ABCA5: variants seen among roughly 807,000 people sequenced by gnomAD.
The protein encoded by ABCA5 is cholesterol transporter ABCA5.
ABCA5 carries 163 observed loss-of-function variants against 206.0 expected under a neutral mutation model. That is an observed-to-expected ratio of 0.79 (90% CI 0.70 to 0.90). ABCA5 has a LOEUF of 0.90. ABCA5 is among the 40% of genes least tolerant of loss of function. The pLI, the probability that ABCA5 is intolerant of heterozygous loss-of-function variation, is 0.00. For synonymous variants in ABCA5, 609 were observed against 613.8 expected, an observed-to-expected ratio of 0.99 and a Z score of 0.11; for missense variants, 1,859 against 1,912.9, an observed-to-expected ratio of 0.97 and a Z score of 0.53.
At chr17:69,318,840 C>T (rs2075839760) in intron 1 of ABCA5, 4 of 703,814 alleles carry the variant, frequency 5.7e-6, no homozygotes, top group Non-Finnish European at 1.1e-5. Context: ...GGATTTGATC[C>T]CTTTATGAAT....
intron 1 of ABCA5, chr17:69,314,805 C>A (rs2075800501): frequency 6.2e-6 from 1 of 160,116 alleles, no homozygotes; most frequent in Non-Finnish European, 1.4e-5. Flanking sequence ...ATCTTTTTTT[C>A]TTTTCTGAAT....
At chr17:69,274,192 A>G in intron 19 of ABCA5, 64 bp from the exon 20 acceptor site, 1 of 1,414,032 alleles carries the variant, frequency 7.1e-7, no homozygotes, top group East Asian at 2.4e-5. Context: ...AAAATCAATT[A>G]AAACTCTCCC....
chr17:69,247,562 G>C lies in ABCA5; in HGVS notation c.4904C>G (p.Thr1635Arg), dbSNP rs1392707443. Reference protein sequence around the residue: ...TLNSTLWWERTQEDRVVF With the variant: ...TLNSTLWWERRQEDRVVF ...TCAAAATACTACTCTATCTTCTTGT[G>C]TTCGTTCCCACCAAAGTGTGCTGTT... is the stretch of plus-strand genomic sequence containing the variant. Residue 1635 changes from threonine (T) to arginine (R), a missense_variant, in exon 39 of 39, where the codon ACA (threonine) becomes AGA (arginine). Thr to Arg is a moderately conservative substitution (Grantham distance 71). Transcript: ENST00000392676. 6.2e-7 allele frequency: 1 copy of C among 1,607,698 alleles called. No individual in the cohort carries two copies. Among genetic ancestry groups the C allele is most frequent in the Non-Finnish European group, 8.5e-7 (1 of 1,177,036 alleles).
In ABCA5 at chr17:69,286,230, T is replaced by C. The variant is rs147646493; in HGVS notation, c.2123A>G (p.Tyr708Cys). The C allele has an allele frequency of 7.2e-5, 115 of 1,603,044 alleles. No individual in the cohort carries two copies. Among genetic ancestry groups the C allele is most frequent in the South Asian group, 4.0e-4 (35 of 88,436 alleles). ...MFLKSKWGIG[Y>C]RLSMYIDKYC... ...TAAAAATGAATGATACCTCAGGCGGTAGCCGATCCCCCATTTACTTTTGAG... is the reference window on the plus strand; with the variant it reads ...TAAAAATGAATGATACCTCAGGCGGCAGCCGATCCCCCATTTACTTTTGAG... The change falls in exon 16 of 39, where the codon TAC becomes TGC. Residue 708 changes from tyrosine to cysteine, a missense_variant. Physicochemically the swap from Tyr to Cys is radical, Grantham distance 194. Transcript: ENST00000392676.
At chr17:69,270,462 T>C in intron 22 of ABCA5, 151 bp downstream of exon 22, 1 of 652,332 alleles carries the variant, frequency 1.5e-6, no homozygotes, top group Non-Finnish European at 2.5e-6. Flanking sequence ...TCCTAAACCT[T>C]AATGTAAACC....
rs370658702 is a variant in ABCA5 at position 69,247,575 on chromosome 17, A to G, written c.4891T>C (p.Trp1631Arg). Reference sequence around the variant, plus strand: ...CTATCTTCTTGTGTTCGTTCCCACCAAAGTGTGCTGTTTAAAGTTCCACAA... The same window carrying G: ...CTATCTTCTTGTGTTCGTTCCCACCGAAGTGTGCTGTTTAAAGTTCCACAA... ...NSCGTLNSTL[W>R]WERTQEDRVV... is the part of the protein sequence containing the mutation. Residue 1631 changes from tryptophan to arginine, a missense_variant, in exon 39 of 39, where the codon TGG (tryptophan) becomes CGG (arginine). By Grantham distance (101) the Trp-to-Arg change is moderately radical. Transcript: ENST00000392676. The G allele has an allele frequency of 1.6e-5, 26 of 1,610,168 alleles. No homozygotes were observed. Among genetic ancestry groups the G allele is most frequent in the African/African-American group, 2.7e-5 (2 of 74,750 alleles).
chr17:69,323,714 A>T (rs2075880815), intron 1 of ABCA5, among the ~76,000 whole-genome samples: 1 of 152,136 alleles, frequency 6.6e-6, no homozygotes, highest in Non-Finnish European at 1.5e-5. Flanking sequence ...CACCAATGGA[A>T]ATATTAAACC....
intron 38 of ABCA5, 64 bp downstream of exon 38, chr17:69,248,197 CA>C: frequency 1.0e-6 from 1 of 1,002,270 alleles, no homozygotes; most frequent in Non-Finnish European, 1.5e-6. Context: ...TAATATAAAC[CA>C]AAACAATCGA....
intron 3 of ABCA5, among the ~76,000 whole-genome samples, chr17:69,311,249 GTTAA>G (rs1001156436): frequency 6.6e-5 from 10 of 152,022 alleles, no homozygotes; most frequent in African/African-American, 2.4e-4. Flanking sequence ...TTACTTAAAT[GTTAA>G]TTAATAGATT....
At chr17:69,325,157 A>C (rs2075889017) in intron 1 of ABCA5, among the ~76,000 whole-genome samples, 1 of 151,456 alleles carries the variant, frequency 6.6e-6, no homozygotes, top group Admixed American at 6.6e-5. Flanking sequence ...AAAAAAAAAA[A>C]AAATAGCCAG....
rs1567779899 is a variant in ABCA5, at chr17:69,306,709, A to T, written c.788+16T>A. 8.0e-7 allele frequency: 1 copy of T among 1,245,372 alleles called. No homozygotes were observed. The highest frequency in any genetic ancestry group is 1.1e-6 in the Non-Finnish European group (1 of 947,422). The allele number at this position is 1,245,372 out of a possible 1,614,324, so 77.1% of individuals were successfully genotyped here. A position where few individuals can be genotyped will look rare whatever the true frequency, so the allele number is the denominator to read the frequency against. On this transcript the variant is annotated intron_variant, in intron 6 of 38. Transcript: ENST00000392676. ...AATTTTTAATTATATTAAGTAATAA[A>T]TTTTTAATAACATACCAAAAGGCAG...
chr17:69,318,935 A>T (rs1413881938), intron 1 of ABCA5: 3 of 637,144 alleles, frequency 4.7e-6, no homozygotes, highest in Non-Finnish European at 8.8e-6. Context: ...TAATGGCATC[A>T]TCATGTTAGA....
chr17:69,262,171 T>C (rs970346122), intron 24 of ABCA5, among the ~76,000 whole-genome samples: 3 of 152,198 alleles, frequency 2.0e-5, no homozygotes, highest in Admixed American at 6.6e-5. Context: ...GTCATTTACA[T>C]GTGAACATGA....
chr17:69,267,589 C>A (rs1457072421), intron 23 of ABCA5, among the ~76,000 whole-genome samples: 1 of 152,096 alleles, frequency 6.6e-6, no homozygotes. Context: ...CAGTTAAGAA[C>A]ATAAAGATCA....
chr17:69,282,852 A>G (rs529372027), intron 18 of ABCA5, among the ~76,000 whole-genome samples: 6 of 151,490 alleles, frequency 4.0e-5, no homozygotes, highest in African/African-American at 1.2e-4. Context: ...GGAAATGGCA[A>G]TCTCATTCCC....
rs1176361062 is a variant in ABCA5, at chr17:69,289,782, A to G, written c.1782+80T>C. The G allele has an allele frequency of 1.9e-5, 21 of 1,115,746 alleles. No individual in the cohort carries two copies. The East Asian group carries it at 5.3e-4, about 28-fold the overall frequency. 69.1% of individuals were successfully genotyped at this position (1,115,746 alleles called of 1,614,324 possible). On this transcript the variant is annotated intron_variant, in intron 13 of 38. Coordinates refer to ENST00000392676, the MANE Select transcript of ABCA5 (RefSeq NM_172232.4). Reference sequence around the variant, plus strand: ...AAGTGTTATATTTAGATTTTCAAGCATATTTTTATTGCACAAGTCATTACA... The same window carrying G: ...AAGTGTTATATTTAGATTTTCAAGCGTATTTTTATTGCACAAGTCATTACA...
At chr17:69,248,885 C>T (rs1179003744) in intron 37 of ABCA5, 2 of 152,084 alleles carry the variant, frequency 1.3e-5, no homozygotes, top group Non-Finnish European at 2.9e-5. Flanking sequence ...GCCACTATAC[C>T]CGGGTAATTT....
At position 69,302,923 on chromosome 17, in the gene ABCA5, T is replaced by C; in HGVS notation, c.931-17A>G. On this transcript the variant is annotated splice_polypyrimidine_tract_variant and intron_variant, in intron 7 of 38. Transcript: ENST00000392676. ...AAAAAATACCTATAAAATACAAATA[T>C]TAAGGTTAGTGCAATGTTCATATAT... 1 of 1,391,846 alleles carries C rather than the reference T, an allele frequency of 7.2e-7. No individual in the cohort carries two copies. Among genetic ancestry groups the C allele is most frequent in the African/African-American group, 1.5e-5 (1 of 67,810 alleles). 86.2% of individuals were successfully genotyped at this position (1,391,846 alleles called of 1,614,324 possible).
chr17:69,312,449 G>A (rs2075779419), intron 3 of ABCA5, among the ~76,000 whole-genome samples: 2 of 152,278 alleles, frequency 1.3e-5, no homozygotes, highest in Admixed American at 1.3e-4. Flanking sequence ...CTTAGCCATA[G>A]TCATAGTTGT....
Sources: gnomAD v4.1 joint callset for allele counts (sites outside exome capture counted in the v4.1 genomes callset) on GRCh38, gnomAD v4.1.1 for gene constraint, MANE v1.5 for transcripts, NCBI Gene and HGNC (gene_info 2026-07-23, HGNC 2026-07-21) for gene names.